Variants in DTWD2 observed in about 807,000 individuals in gnomAD.
DTWD2 encodes the protein DTW motif tRNA-uridine aminocarboxypropyltransferase 2.
In DTWD2, 39 loss-of-function variants were observed where a neutral mutation model predicts 31.8. The observed-to-expected ratio is 1.22, with a 90% CI of 0.95 to 1.60. The LOEUF (loss-of-function observed/expected upper bound fraction) is 1.60, where lower values mean the gene tolerates loss of function less well. Ranked by LOEUF, DTWD2 falls within the 40% of genes most tolerant of loss-of-function variation. The pLI, the probability that DTWD2 is intolerant of heterozygous loss-of-function variation, is 0.00. For synonymous variants in DTWD2, 180 were observed against 142.8 expected (o/e 1.26, Z -1.86); for missense variants, 515 against 381.5 (o/e 1.35, Z -2.92).
chr5:118,890,423 G>C (rs1355965391), intron 4 of DTWD2, among the ~76,000 whole-genome samples: 1 of 151,688 alleles, frequency 6.6e-6, no homozygotes, highest in Non-Finnish European at 1.5e-5. Flanking sequence ...CTTTATTTTA[G>C]ACAGAATGCA....
At chr5:118,964,253 T>G (rs77147169) in intron 1 of DTWD2, among the ~76,000 whole-genome samples, 1 of 151,138 alleles carries the variant, frequency 6.6e-6, no homozygotes, top group East Asian at 2.0e-4. Context: ...GAATGAAACA[T>G]CTCAGATGTG....
chr5:118,846,920 GCACACACA>G (rs144531960), intron 5 of DTWD2, among the ~76,000 whole-genome samples: 10,676 of 134,858 alleles, frequency 0.079, 380 homozygotes, highest in South Asian at 0.13. Flanking sequence ...AAACACACAG[GCACACACA>G]CACACACACA....
At position 118,874,737 on chromosome 5, in the gene DTWD2, T is replaced by A. The variant is rs144825898; in HGVS notation, c.598-26519A>T. Among the ~76,000 whole-genome samples the A allele has an allele frequency of 7.1e-4, 108 of 152,208 alleles. 2 individuals carry two copies. In the East Asian group the frequency reaches 0.019, roughly 27 times the overall value. On this transcript the variant is annotated intron_variant, in intron 4 of 5. Transcript: ENST00000510708. ...AAAAAGAGAACAAATCTATGACTGATTGGGGTACCTGAAAGAAACGGGGAG... is the reference window on the plus strand; with the variant it reads ...AAAAAGAGAACAAATCTATGACTGAATGGGGTACCTGAAAGAAACGGGGAG...
intron 3 of DTWD2, among the ~76,000 whole-genome samples, chr5:118,934,364 T>C (rs1334814176): frequency 7.0e-6 from 1 of 141,958 alleles, no homozygotes; most frequent in Non-Finnish European, 1.5e-5. Flanking sequence ...GTACAGAGAA[T>C]TCCTATATAC....
intron 4 of DTWD2, among the ~76,000 whole-genome samples, chr5:118,901,207 A>G (rs768396940): frequency 7.2e-4 from 109 of 152,270 alleles, no homozygotes; most frequent in Admixed American, 1.9e-3. Context: ...TCACAAGACA[A>G]TCAACACCCT....
intron 4 of DTWD2, among the ~76,000 whole-genome samples, chr5:118,924,907 C>T (rs1161856663): frequency 6.6e-6 from 1 of 152,052 alleles, no homozygotes; most frequent in Non-Finnish European, 1.5e-5. Flanking sequence ...TACTTATTAC[C>T]TCATGGGATT....
At chr5:118,986,757 G>A (rs1402773162) in intron 1 of DTWD2, among the ~76,000 whole-genome samples, 3 of 152,114 alleles carry the variant, frequency 2.0e-5, no homozygotes, top group African/African-American at 4.8e-5. Flanking sequence ...TGCATAGCAA[G>A]AGGGAGGAGA....
chr5:118,916,517 T>C (rs1460489466), intron 4 of DTWD2, among the ~76,000 whole-genome samples: 1 of 151,870 alleles, frequency 6.6e-6, no homozygotes, highest in Non-Finnish European at 1.5e-5. Context: ...AATACAAAAT[T>C]AGCCAGGCAT....
intron 1 of DTWD2, among the ~76,000 whole-genome samples, chr5:118,970,072 G>C (rs1754949797): frequency 6.6e-6 from 1 of 152,138 alleles, no homozygotes; most frequent in Non-Finnish European, 1.5e-5. Context: ...CCAAGCAGAG[G>C]AAAGAATCTC....
chr5:118,981,700 TAACATAAA>T (rs1463289355), intron 1 of DTWD2, among the ~76,000 whole-genome samples: 1 of 152,112 alleles, frequency 6.6e-6, no homozygotes, highest in Admixed American at 6.6e-5. Context: ...TCTGCCTTTC[TAACATAAA>T]AGTGAAAAGC....
At chr5:118,885,338 A>G (rs1752837545) in intron 4 of DTWD2, among the ~76,000 whole-genome samples, 2 of 151,514 alleles carry the variant, frequency 1.3e-5, no homozygotes, top group Non-Finnish European at 2.9e-5. Context: ...CTGCAGTCCC[A>G]GCTATCAGGA....
intron 4 of DTWD2, among the ~76,000 whole-genome samples, chr5:118,850,321 A>AC (rs947195079): frequency 6.7e-6 from 1 of 148,438 alleles, no homozygotes; most frequent in Non-Finnish European, 1.5e-5. Flanking sequence ...AAAAAAAAAA[A>AC]AAAAAAACAT....
At chr5:118,866,722 G>C (rs1009073714) in intron 4 of DTWD2, among the ~76,000 whole-genome samples, 5 of 152,058 alleles carry the variant, frequency 3.3e-5, no homozygotes, top group Admixed American at 2.6e-4. Context: ...TTCGAGACCA[G>C]CCTGACCAAC....
At chr5:118,878,551 A>G (rs1410395731) in intron 4 of DTWD2, among the ~76,000 whole-genome samples, 1 of 152,208 alleles carries the variant, frequency 6.6e-6, no homozygotes, top group Non-Finnish European at 1.5e-5. Context: ...TCAAAACTAT[A>G]AAAACCCTGA....
At chr5:118,973,774 C>T (rs1384674547) in intron 1 of DTWD2, 24 of 1,610,748 alleles carry the variant, frequency 1.5e-5, no homozygotes, top group East Asian at 4.5e-5. Flanking sequence ...TCGCCTGCAT[C>T]GGATCACCGG....
At position 118,944,522 on chromosome 5, in the gene DTWD2, T is replaced by C. The variant is rs368852015; in HGVS notation, c.309+37A>G. Reference sequence around the variant, plus strand: ...CTTCGTGTTTCCTCTTGTGGACTCATATTCTATTTGAAATCCTGTATTTTA... The same window carrying C: ...CTTCGTGTTTCCTCTTGTGGACTCACATTCTATTTGAAATCCTGTATTTTA... On this transcript the variant is annotated intron_variant, in intron 2 of 5. Transcript: ENST00000510708. 63 of 1,581,358 alleles carry C rather than the reference T, an allele frequency of 4.0e-5. No homozygotes were observed. In the African/African-American group the frequency reaches 6.9e-4, roughly 17 times the overall value.
At chr5:118,974,241 C>G (rs1387334222) in intron 1 of DTWD2, 5 of 925,826 alleles carry the variant, frequency 5.4e-6, no homozygotes, top group Admixed American at 4.3e-5. Context: ...CCCGCCCGCC[C>G]ACCGTGGACA....
Position 118,988,502 on chromosome 5 carries a change from G to A in DTWD2, c.10C>T (p.Gln4Ter). The A allele has an allele frequency of 1.9e-6, 3 of 1,569,208 alleles. No individual in the cohort carries two copies. Among genetic ancestry groups the A allele is most frequent in the Non-Finnish European group, 2.6e-6 (3 of 1,160,762 alleles). ...TCCTGGAGTGTTCGTGCCTCTTTCT[G>A]CGACTCCATGGCGGACACTCCGGTC... MES[Q>*]KEARTLQEPV... The change falls in exon 1 of 6, where the codon CAG becomes TAG. Residue 4 changes from glutamine (Q) to a stop codon, truncating the protein, a stop_gained. Coordinates refer to ENST00000510708, the MANE Select transcript of DTWD2 (RefSeq NM_173666.4). LOFTEE classifies it high-confidence loss of function.
chr5:118,970,982 G>A (rs1424388363), intron 1 of DTWD2, among the ~76,000 whole-genome samples: 1 of 152,138 alleles, frequency 6.6e-6, no homozygotes, highest in Non-Finnish European at 1.5e-5. Context: ...AGCTCCTGAA[G>A]GAAGCACTAA....
Sources: allele counts gnomAD v4.1 joint callset (sites outside exome capture counted in the v4.1 genomes callset), GRCh38; gene constraint gnomAD v4.1.1; transcripts MANE v1.5; gene names NCBI Gene and HGNC (gene_info 2026-07-23, HGNC 2026-07-21).